The following GCNT1 variants were observed in gnomAD, a reference collection of about 807,000 sequenced individuals.
The protein encoded by GCNT1 is beta-1,3-galactosyl-O-glycosyl-glycoprotein beta-1,6-N-acetylglucosaminyltransferase.
Under a neutral mutation model 26.2 loss-of-function variants are expected in GCNT1, and 16 were observed. That is an observed-to-expected ratio of 0.61 (90% CI 0.41 to 0.93). The LOEUF (loss-of-function observed/expected upper bound fraction) is 0.93, where lower values mean the gene tolerates loss of function less well. Among genes scored for constraint, GCNT1 ranks in the 40% least tolerant of loss-of-function variants. The pLI, the probability that GCNT1 is intolerant of heterozygous loss-of-function variation, is 0.00. For missense variants in GCNT1, 477 were observed against 526.7 expected (o/e 0.91, Z 0.92); for synonymous variants, 183 against 190.8 (o/e 0.96, Z 0.34).
At chr9:76,447,471 C>T (rs570980970) in intron 1 of GCNT1, among the ~76,000 whole-genome samples, 1 of 152,116 alleles carries the variant, frequency 6.6e-6, no homozygotes, top group Non-Finnish European at 1.5e-5. Flanking sequence ...TCTTAAACTC[C>T]TGGGCTTAAG....
At chr9:76,413,699 TG>T in the GCNT1 span, among the ~76,000 whole-genome samples, 4 of 148,530 alleles carry the variant, frequency 2.7e-5, no homozygotes, top group Non-Finnish European at 4.5e-5. Context: ...TTTATCCTGC[TG>T]GATGTACTCT....
At chr9:76,440,919 C>T (rs896910622), upstream of GCNT1, among the ~76,000 whole-genome samples, 9 of 151,776 alleles carry the variant, frequency 5.9e-5, no homozygotes, top group Non-Finnish European at 1.3e-4. Flanking sequence ...CAAAAATTAG[C>T]TGGGCATGGT....
At position 76,481,037 on chromosome 9, in the gene GCNT1, G is replaced by A. The variant is rs1234534065; in HGVS notation, c.-289-19879G>A. Among the ~76,000 whole-genome samples, 8 of 152,098 alleles carry A rather than the reference G, an allele frequency of 5.3e-5. No homozygotes were observed. In the South Asian group the frequency reaches 1.0e-3, roughly 20 times the overall value. On this transcript the variant is annotated intron_variant, in intron 2 of 3. Transcript: ENST00000376730. ...GAGGATTGCTTGAGGCCAGGAGTTC[G>A]AAACCAGCCTGGCTAACATGGTGAA...
chr9:76,478,445 A>C (rs565768745), intron 2 of GCNT1, among the ~76,000 whole-genome samples: 1 of 152,316 alleles, frequency 6.6e-6, no homozygotes, highest in South Asian at 2.1e-4. Context: ...CTCAGGACAC[A>C]TCTGAACATC....
At chr9:76,451,336 T>C (rs1823661388) in intron 1 of GCNT1, among the ~76,000 whole-genome samples, 1 of 152,096 alleles carries the variant, frequency 6.6e-6, no homozygotes, top group African/African-American at 2.4e-5. Context: ...AAAACAAGGC[T>C]CTGGCAAAGA....
At chr9:76,498,641 C>T (rs144763827) in intron 2 of GCNT1, among the ~76,000 whole-genome samples, 2,662 of 151,888 alleles carry the variant, frequency 0.018, 73 homozygotes, top group African/African-American at 0.061. Flanking sequence ...GGTGTGGGGG[C>T]GGGTGCCTGT....
At chr9:76,394,668 T>G in the GCNT1 span, among the ~76,000 whole-genome samples, 1 of 152,094 alleles carries the variant, frequency 6.6e-6, no homozygotes. Flanking sequence ...CCCCTGGCGA[T>G]GGGAACTAAT....
At chr9:76,458,175 A>ATTTTT (rs779648273), upstream of GCNT1, among the ~76,000 whole-genome samples, 64 of 76,218 alleles carry the variant, frequency 8.4e-4, 2 homozygotes, top group African/African-American at 1.6e-3. Context: ...TCTGAGTTGG[A>ATTTTT]TTTTTTTTTT....
intron 2 of GCNT1, among the ~76,000 whole-genome samples, chr9:76,469,829 G>A (rs575699584): frequency 1.3e-4 from 20 of 152,224 alleles, no homozygotes; most frequent in African/African-American, 4.8e-4. Flanking sequence ...ATGACCCATG[G>A]CTTCTAATAG....
At chr9:76,406,066 G>A in the GCNT1 span, among the ~76,000 whole-genome samples, 10 of 152,340 alleles carry the variant, frequency 6.6e-5, no homozygotes, top group African/African-American at 2.4e-4. Context: ...TGTGGTCAGT[G>A]TTCTGGATTT....
chr9:76,430,411 T>C (rs752211467), intron 1 of GCNT1, among the ~76,000 whole-genome samples: 5 of 152,166 alleles, frequency 3.3e-5, no homozygotes, highest in Non-Finnish European at 7.3e-5. Flanking sequence ...TAACAGGGTT[T>C]CACTCTGTTG....
intron 2 of GCNT1, among the ~76,000 whole-genome samples, chr9:76,499,041 C>G (rs982153302): frequency 1.0e-5 from 1 of 96,876 alleles, no homozygotes; most frequent in Non-Finnish European, 1.9e-5. Context: ...GGTAAGGCTG[C>G]TAGTGATAAT....
At chr9:76,421,318 G>A (rs909356563) in intron 1 of GCNT1, among the ~76,000 whole-genome samples, 4 of 152,094 alleles carry the variant, frequency 2.6e-5, no homozygotes, top group Non-Finnish European at 5.9e-5. Flanking sequence ...AGTAAATGTT[G>A]GCTGGGCACA....
upstream of GCNT1, among the ~76,000 whole-genome samples, chr9:76,416,552 G>A (rs1823135017): frequency 6.6e-6 from 1 of 152,202 alleles, no homozygotes; most frequent in Non-Finnish European, 1.5e-5. Context: ...CCCCAGCCTT[G>A]GCACCTGCTT....
intron 1 of GCNT1, among the ~76,000 whole-genome samples, chr9:76,421,600 C>CAAAAAAAAAAA (rs1231879648): frequency 5.3e-5 from 3 of 57,110 alleles, no homozygotes; most frequent in Admixed American, 2.8e-4. Context: ...GGCCCTGTCT[C>CAAAAAAAAAAA]AAAAAAAAAA....
intron 1 of GCNT1, among the ~76,000 whole-genome samples, chr9:76,434,565 G>C (rs1459562730): frequency 1.3e-5 from 2 of 152,126 alleles, no homozygotes; most frequent in African/African-American, 4.8e-5. Context: ...ACTTGTGTTT[G>C]AACAACATGA....
At chr9:76,498,905 C>T (rs1200840310) in intron 2 of GCNT1, among the ~76,000 whole-genome samples, 1 of 152,044 alleles carries the variant, frequency 6.6e-6, no homozygotes, top group African/African-American at 2.4e-5. Flanking sequence ...AAATTACATT[C>T]ATACTATAAA....
chr9:76,399,398 C>G, the GCNT1 span: 1 of 1,467,738 alleles, frequency 6.8e-7, no homozygotes, highest in East Asian at 2.3e-5. Flanking sequence ...ATGGACTGCT[C>G]CAGCTCCTGA....
chr9:76,505,236 CTT>C lies in GCNT1; in HGVS notation c.*1570_*1571del. 6.6e-6 allele frequency: 2 copies of C among 304,074 alleles called. No homozygotes were observed. The highest frequency in any genetic ancestry group is 1.3e-5 in the Non-Finnish European group (2 of 157,734). 18.8% of individuals were successfully genotyped at this position (304,074 alleles called of 1,614,324 possible). ...GTTTTAAGGCATTCAACTGAGAAAA[CTT>C]TATTTGTCAAAGTCAGAAAACATTT... is the stretch of plus-strand genomic sequence containing the variant. On this transcript the variant is annotated 3_prime_UTR_variant, in exon 4 of 4. Transcript: ENST00000376730.
Sources: allele counts gnomAD v4.1 joint callset (sites outside exome capture counted in the v4.1 genomes callset), GRCh38; gene constraint gnomAD v4.1.1; transcripts MANE v1.5; gene names NCBI Gene and HGNC (gene_info 2026-07-23, HGNC 2026-07-21).